Variants in PHEX observed in about 807,000 individuals in gnomAD.
PHEX encodes the protein phosphate-regulating neutral endopeptidase PHEX.
In PHEX, 16 loss-of-function variants were observed where a neutral mutation model predicts 68.0. That is an observed-to-expected ratio of 0.24 (90% confidence interval 0.16 to 0.36). PHEX has a LOEUF of 0.36. Ranked by LOEUF, PHEX falls within the 10% of genes least tolerant of loss-of-function variation. The pLI, the probability that PHEX is intolerant of heterozygous loss-of-function variation, is 1.00. For synonymous variants in PHEX, 208 were observed against 205.1 expected (o/e 1.01, Z -0.12); for missense variants, 480 against 575.5 (o/e 0.83, Z 1.70).
At chrX:22,210,835 A>C (rs1215408538) in intron 15 of PHEX, among the ~76,000 whole-genome samples, 1 of 111,036 alleles carries the variant, frequency 9.0e-6, no homozygotes, top group Non-Finnish European at 1.9e-5. Flanking sequence ...TTATTAATAA[A>C]ATATAAAGAA....
intron 3 of PHEX, among the ~76,000 whole-genome samples, chrX:22,060,948 T>C (rs1007409805): frequency 1.8e-5 from 2 of 111,862 alleles, no homozygotes; most frequent in African/African-American, 6.5e-5. Context: ...GGATGACTGT[T>C]TGGAAAGGAA....
At chrX:22,116,500 T>A (rs1181693650) in intron 11 of PHEX, among the ~76,000 whole-genome samples, 1 of 111,681 alleles carries the variant, frequency 9.0e-6, no homozygotes, top group South Asian at 3.7e-4. Flanking sequence ...CAATAAACAC[T>A]GAATTAAAGG....
intron 12 of PHEX, among the ~76,000 whole-genome samples, chrX:22,150,567 C>T (rs770673844): frequency 8.9e-6 from 1 of 111,948 alleles, no homozygotes; most frequent in Admixed American, 9.5e-5. Context: ...AGGCAGTATC[C>T]TGAATTTGTC....
intron 11 of PHEX, among the ~76,000 whole-genome samples, chrX:22,115,256 C>T (rs1043224111): frequency 1.3e-4 from 14 of 111,822 alleles, no homozygotes; most frequent in Middle Eastern, 4.6e-3. Flanking sequence ...GCTTGAACCC[C>T]GGAGGCGGAG....
intron 2 of PHEX, among the ~76,000 whole-genome samples, chrX:22,043,280 T>G (rs1011831115): frequency 3.6e-5 from 4 of 112,360 alleles, no homozygotes; most frequent in Non-Finnish European, 7.5e-5. Context: ...ACACAATGAC[T>G]ACTTTTTCTG....
intron 15 of PHEX, among the ~76,000 whole-genome samples, chrX:22,209,490 CAT>C (rs750452908): frequency 3.8e-5 from 4 of 106,642 alleles, no homozygotes; most frequent in East Asian, 5.8e-4. Flanking sequence ...CATATCGCCA[CAT>C]AGTTACTCGT....
At chrX:22,167,655 C>A (rs900761411) in intron 12 of PHEX, among the ~76,000 whole-genome samples, 2 of 108,041 alleles carry the variant, frequency 1.9e-5, no homozygotes, top group Admixed American at 1.0e-4. Context: ...CCATGCCCGG[C>A]TTTTTTTAAA....
chrX:22,146,915 C>G (rs4824229), intron 12 of PHEX, among the ~76,000 whole-genome samples: 1 of 111,156 alleles, frequency 9.0e-6, no homozygotes, highest in Admixed American at 9.5e-5. Flanking sequence ...CTAACAATAT[C>G]AACAGGTAGT....
chrX:22,173,902 A>G (rs766555755), intron 13 of PHEX, among the ~76,000 whole-genome samples: 9 of 112,216 alleles, frequency 8.0e-5, no homozygotes, highest in African/African-American at 2.6e-4. Flanking sequence ...TGTAGGCCGA[A>G]GACTATACTA....
chrX:22,153,381 A>T (rs1332188215), intron 12 of PHEX, among the ~76,000 whole-genome samples: 1 of 112,260 alleles, frequency 8.9e-6, no homozygotes, highest in Non-Finnish European at 1.9e-5. Flanking sequence ...TTCATAATTT[A>T]TAGCCAGAAT....
chrX:22,118,506 T>C, intron 11 of PHEX, among the ~76,000 whole-genome samples: 1 of 111,009 alleles, frequency 9.0e-6, no homozygotes, highest in South Asian at 3.9e-4. Flanking sequence ...TTGGTTTAAA[T>C]GGACTGTGAA....
intron 15 of PHEX, among the ~76,000 whole-genome samples, chrX:22,203,666 A>G (rs7058002): frequency 0.015 from 1,714 of 111,570 alleles, 39 homozygotes; most frequent in African/African-American, 0.052. Context: ...CCTGAATAAG[A>G]TGTAACATTC....
At chrX:22,115,244 T>C (rs1931184539) in intron 11 of PHEX, among the ~76,000 whole-genome samples, 1 of 111,693 alleles carries the variant, frequency 9.0e-6, no homozygotes, top group South Asian at 3.8e-4. Flanking sequence ...GGCAGGAGAA[T>C]TGCTTGAACC....
chrX:22,095,567 G>A (rs1930100803), intron 7 of PHEX, among the ~76,000 whole-genome samples: 1 of 112,127 alleles, frequency 8.9e-6, no homozygotes, highest in South Asian at 3.7e-4. Context: ...GGCGGAGGAG[G>A]GATTGGTGGA....
At position 22,140,642 on chromosome X, in the gene PHEX, C is replaced by T. The variant is rs112857087; in HGVS notation, c.1404+7018C>T. Among the ~76,000 whole-genome samples, 38 of 109,453 alleles carry T rather than the reference C, an allele frequency of 3.5e-4. No homozygotes were observed. The South Asian group carries it at 6.5e-3, about 19-fold the overall frequency. On this transcript the variant is annotated intron_variant, in intron 12 of 21. Transcript: ENST00000379374. ...GACCACAGGCATGCGCCACCATGCCCGGCTAATTTTTGTATTTTTAGTAGA... is the reference window on the plus strand; with the variant it reads ...GACCACAGGCATGCGCCACCATGCCTGGCTAATTTTTGTATTTTTAGTAGA...
rs762828809 is a variant in PHEX, at chrX:22,212,933, T to C, written c.1675T>C (p.Phe559Leu). ...RFPAGELQKP[F>L]FWGTEYPRSL... ...TCCAGCAGGAGAGCTCCAGAAGCCTTTCTTTTGGGGAACAGAATATCCTCG... is the reference window on the plus strand; with the variant it reads ...TCCAGCAGGAGAGCTCCAGAAGCCTCTCTTTTGGGGAACAGAATATCCTCG... The change falls in exon 16 of 22, where the codon TTC becomes CTC. Residue 559 changes from phenylalanine (F) to leucine (L), a missense_variant. Phe to Leu is a conservative substitution (Grantham distance 22). Coordinates refer to ENST00000379374, the MANE Select transcript of PHEX (RefSeq NM_000444.6). The C allele has an allele frequency of 9.1e-6, 11 of 1,202,960 alleles. No homozygotes were observed. The Admixed American group carries it at 2.4e-4, about 26-fold the overall frequency.
intron 3 of PHEX, among the ~76,000 whole-genome samples, chrX:22,073,575 A>G (rs1929003317): frequency 9.2e-6 from 1 of 108,114 alleles, no homozygotes; most frequent in African/African-American, 3.4e-5. Flanking sequence ...TAATGTTCAA[A>G]TTTGATGATC....
chrX:22,081,515 T>C (rs1010678882), intron 5 of PHEX, among the ~76,000 whole-genome samples: 2 of 112,258 alleles, frequency 1.8e-5, no homozygotes, highest in Non-Finnish European at 3.8e-5. Context: ...TTAGCTTTTC[T>C]AATCCCACAA....
chrX:22,207,121 T>C (rs1430457337), intron 15 of PHEX, among the ~76,000 whole-genome samples: 1 of 112,129 alleles, frequency 8.9e-6, no homozygotes, highest in African/African-American at 3.2e-5. Context: ...GATAGGAGAA[T>C]TGTAATGAGA....
Sources: gnomAD v4.1 joint callset for allele counts (sites outside exome capture counted in the v4.1 genomes callset) on GRCh38, gnomAD v4.1.1 for gene constraint, MANE v1.5 for transcripts, NCBI Gene and HGNC (gene_info 2026-07-23, HGNC 2026-07-21) for gene names.